PPIC: variants seen among roughly 807,000 people sequenced by gnomAD.
PPIC encodes peptidyl-prolyl cis-trans isomerase C.
Under a neutral mutation model 19.5 loss-of-function variants are expected in PPIC, and 19 were observed. The observed-to-expected ratio is 0.98, with a 90% confidence interval of 0.68 to 1.43. The LOEUF is 1.43. Among genes scored for constraint, PPIC ranks in the 40% most tolerant of loss-of-function variants. The pLI, the probability that PPIC is intolerant of heterozygous loss-of-function variation, is 0.00. For missense variants in PPIC, 268 were observed against 268.6 expected (o/e 1.00, Z 0.02); for synonymous variants, 107 against 101.2 (o/e 1.06, Z -0.34).
Position 123,036,431 on chromosome 5 carries a change from A to C in PPIC, c.117+78T>G, listed in dbSNP as rs1763014144. 7.5e-7 allele frequency: 1 copy of C among 1,325,050 alleles called. No homozygotes were observed. Among genetic ancestry groups the C allele is most frequent in the Non-Finnish European group, 1.1e-6 (1 of 944,946 alleles). The allele number at this position is 1,325,050 out of a possible 1,614,324, so 82.1% of individuals were successfully genotyped here. A position where few individuals can be genotyped will look rare whatever the true frequency, so the allele number is the denominator to read the frequency against. On this transcript the variant is annotated intron_variant, in intron 1 of 4. Transcript: ENST00000306442. The surrounding 1 kb of genome is among the most constrained non-coding windows in gnomAD (Gnocchi z 4.5). Reference sequence around the variant, plus strand: ...AAGCCTCCACCTCGCCCGCCCTGACACCGAGGTCCCAGTATCCAAAGCGCC... The same window carrying C: ...AAGCCTCCACCTCGCCCGCCCTGACCCCGAGGTCCCAGTATCCAAAGCGCC...
intron 1 of PPIC, among the ~76,000 whole-genome samples, chr5:123,033,386 G>A (rs1043272084): frequency 4.6e-5 from 7 of 152,112 alleles, no homozygotes; most frequent in Non-Finnish European, 1.0e-4. Flanking sequence ...TAGTGAATGG[G>A]TTCTCACTTT....
At chr5:123,028,404 C>T (rs1196280750) in intron 3 of PPIC, 5 of 175,954 alleles carry the variant, frequency 2.8e-5, no homozygotes, top group Non-Finnish European at 4.7e-5. Flanking sequence ...CTGCAACGCC[C>T]ACCTCTGCCG....
intron 1 of PPIC, among the ~76,000 whole-genome samples, chr5:123,034,105 T>C (rs1443829725): frequency 1.3e-5 from 2 of 152,196 alleles, no homozygotes; most frequent in African/African-American, 4.8e-5. Flanking sequence ...TTAAATGAAA[T>C]CAGAGGTAAA....
At chr5:123,024,652 G>T (rs1762825084) in intron 4 of PPIC, among the ~76,000 whole-genome samples, 1 of 152,218 alleles carries the variant, frequency 6.6e-6, no homozygotes, top group Non-Finnish European at 1.5e-5. Flanking sequence ...TAGGTTTTTG[G>T]TGGGTTTCCC....
chr5:123,036,531 C>T lies in PPIC; in HGVS notation c.95G>A (p.Arg32Gln), dbSNP rs764793790. 1 of 1,606,504 alleles carries T rather than the reference C, an allele frequency of 6.2e-7. No individual in the cohort carries two copies. The highest frequency in any genetic ancestry group is 1.7e-5 in the Admixed American group (1 of 59,404). The change falls in exon 1 of 5, where the codon CGA becomes CAA. Residue 32 changes from arginine (R) to glutamine (Q), a missense_variant. Arg to Gln is a conservative substitution (Grantham distance 43). Coordinates refer to ENST00000306442, the MANE Select transcript of PPIC (RefSeq NM_000943.5). The surrounding 1 kb of genome is among the most constrained non-coding windows in gnomAD (Gnocchi z 4.5). ...FSSGAEGFRK[R>Q]GPSVTAKVFF... ...CACCTTGGCCGTCACCGAGGGGCCTCGCTTGCGGAAGCCCTCGGCCCCCGA... is the reference window on the plus strand; with the variant it reads ...CACCTTGGCCGTCACCGAGGGGCCTTGCTTGCGGAAGCCCTCGGCCCCCGA...
chr5:123,036,500 C>T lies in PPIC; in HGVS notation c.117+9G>A. 1 of 1,603,738 alleles carries T rather than the reference C, an allele frequency of 6.2e-7. No homozygotes were observed. Among genetic ancestry groups the T allele is most frequent in the Non-Finnish European group, 8.5e-7 (1 of 1,175,824 alleles). On this transcript the variant is annotated intron_variant, in intron 1 of 4. Coordinates refer to ENST00000306442, the MANE Select transcript of PPIC (RefSeq NM_000943.5). The surrounding 1 kb of genome is among the most constrained non-coding windows in gnomAD (Gnocchi z 4.5). ...ACAGGGGAAGTTGCAGCCCGCCGCTCTCGGTCACCTTGGCCGTCACCGAGG... is the reference window on the plus strand; with the variant it reads ...ACAGGGGAAGTTGCAGCCCGCCGCTTTCGGTCACCTTGGCCGTCACCGAGG...
chr5:123,032,723 T>G (rs1762959219), intron 1 of PPIC, among the ~76,000 whole-genome samples: 1 of 152,094 alleles, frequency 6.6e-6, no homozygotes, highest in African/African-American at 2.4e-5. Flanking sequence ...CATATATGAA[T>G]GCTATAATAT....
chr5:123,029,974 A>C (rs1302338140), intron 1 of PPIC, among the ~76,000 whole-genome samples: 1 of 152,240 alleles, frequency 6.6e-6, no homozygotes, highest in East Asian at 1.9e-4. Context: ...GATGAAACAC[A>C]GCAGTCCTTC....
In PPIC at chr5:123,023,350, A is replaced by G. The variant is rs1762790858; in HGVS notation, c.*525T>C. The stretch of plus-strand genomic sequence containing the variant: ...TGTATTTTTGTATATTTCTTAAAGA[A>G]CTTTACATTTTTAAAAAGTCTTGCA... On this transcript the variant is annotated 3_prime_UTR_variant, in exon 5 of 5. Coordinates refer to ENST00000306442, the MANE Select transcript of PPIC (RefSeq NM_000943.5). 1 of 152,264 alleles carries G rather than the reference A, an allele frequency of 6.6e-6. No homozygotes were observed. Among genetic ancestry groups the G allele is most frequent in the African/African-American group, 2.4e-5 (1 of 41,458 alleles). The allele number at this position is 152,264 out of a possible 1,614,324, so 9.4% of individuals were successfully genotyped here.
chr5:123,024,132 T>G (rs1762815122), intron 4 of PPIC, 129 bp from the exon 5 acceptor site: 1 of 537,408 alleles, frequency 1.9e-6, no homozygotes, highest in Non-Finnish European at 2.7e-6. Context: ...GTTGGTTTTT[T>G]ATGACTACTA....
At position 123,023,672 on chromosome 5, in the gene PPIC, G is replaced by T; in HGVS notation, c.*203C>A. 1 of 710,094 alleles carries T rather than the reference G, an allele frequency of 1.4e-6. No individual in the cohort carries two copies. The highest frequency in any genetic ancestry group is 2.0e-6 in the Non-Finnish European group (1 of 511,864). 44.0% of individuals were successfully genotyped at this position (710,094 alleles called of 1,614,324 possible). A position where few individuals can be genotyped will look rare whatever the true frequency, so the allele number is the denominator to read the frequency against. ...GGAAGGGGATATATTTAAGTTCAAAGTCCCTAAGCAGGTGGTTTACTAAAG... is the reference window on the plus strand; with the variant it reads ...GGAAGGGGATATATTTAAGTTCAAATTCCCTAAGCAGGTGGTTTACTAAAG... On this transcript the variant is annotated 3_prime_UTR_variant, in exon 5 of 5. Coordinates refer to ENST00000306442, the MANE Select transcript of PPIC (RefSeq NM_000943.5).
intron 3 of PPIC, 35 bp from the exon 4 acceptor site, chr5:123,026,003 C>T (rs765934114): frequency 6.5e-7 from 1 of 1,545,196 alleles, no homozygotes; most frequent in Non-Finnish European, 8.7e-7. Context: ...CAACAGATGT[C>T]TTCCAAAAGT....
At chr5:123,026,470 C>T (rs1762855756) in intron 3 of PPIC, among the ~76,000 whole-genome samples, 1 of 152,158 alleles carries the variant, frequency 6.6e-6, no homozygotes, top group Non-Finnish European at 1.5e-5. Context: ...TCATAACAAC[C>T]CTGAAGAGTA....
intron 4 of PPIC, among the ~76,000 whole-genome samples, chr5:123,024,992 T>A (rs977435112): frequency 3.3e-5 from 5 of 152,224 alleles, no homozygotes; most frequent in African/African-American, 1.2e-4. Flanking sequence ...ATTGGACTGC[T>A]TTGACATTCT....
intron 3 of PPIC, among the ~76,000 whole-genome samples, chr5:123,027,109 G>A (rs1418279723): frequency 3.9e-5 from 6 of 152,040 alleles, no homozygotes; most frequent in South Asian, 2.1e-4. Flanking sequence ...CAGGAGAATC[G>A]CTTGAACCTG....
In PPIC at chr5:123,036,462, G is replaced by C; in HGVS notation, c.117+47C>G. The C allele has an allele frequency of 6.5e-7, 1 of 1,541,484 alleles. No homozygotes were observed. Among genetic ancestry groups the C allele is most frequent in the Non-Finnish European group, 8.9e-7 (1 of 1,127,418 alleles). The stretch of plus-strand genomic sequence containing the variant: ...GTCCCAGTATCCAAAGCGCCCCCAG[G>C]GCCCCGCCCGCAACAGGGGAAGTTG... On this transcript the variant is annotated intron_variant, in intron 1 of 4. Transcript: ENST00000306442. The surrounding 1 kb of genome is among the most constrained non-coding windows in gnomAD (Gnocchi z 4.5).
At chr5:123,026,193 C>A (rs1430568632) in intron 3 of PPIC, among the ~76,000 whole-genome samples, 2 of 152,162 alleles carry the variant, frequency 1.3e-5, no homozygotes, top group Non-Finnish European at 2.9e-5. Flanking sequence ...AAATATGGCA[C>A]AGGATAGTGG....
intron 1 of PPIC, among the ~76,000 whole-genome samples, chr5:123,034,769 TGTTA>T (rs1406304711): frequency 6.6e-6 from 1 of 152,170 alleles, no homozygotes; most frequent in East Asian, 1.9e-4. Context: ...CAGCAACTCC[TGTTA>T]GTTATATCTC....
Position 123,025,826 on chromosome 5 carries a change from C to T in PPIC, c.468G>A (p.Leu156=). 1 of 1,613,914 alleles carries T rather than the reference C, an allele frequency of 6.2e-7. No homozygotes were observed. Among genetic ancestry groups the T allele is most frequent in the Non-Finnish European group, 8.5e-7 (1 of 1,179,980 alleles). The change falls in exon 4 of 5, where the codon TTG becomes TTA. Residue 156 remains leucine (L), a synonymous_variant. Coordinates refer to ENST00000306442, the MANE Select transcript of PPIC (RefSeq NM_000943.5). ...FFITLTKPTW[L]DGKHVVFGKV... is the part of the protein sequence containing the mutation. ...TTCCAAACACCACATGTTTGCCGTC[C>T]AACCAGGTGGGCTTGGTCAAGGTGA...
Sources: gnomAD v4.1 joint callset for allele counts (sites outside exome capture counted in the v4.1 genomes callset) on GRCh38, gnomAD v4.1.1 for gene constraint, Gnocchi (gnomAD v3.1) non-coding constraint, MANE v1.5 for transcripts, NCBI Gene and HGNC (gene_info 2026-07-23, HGNC 2026-07-21) for gene names.